The following AGRN variants were observed in gnomAD, a reference collection of about 807,000 sequenced individuals.
AGRN encodes agrin.
A neutral mutation model predicts 211.0 loss-of-function variants in AGRN; 106 were observed. The ratio of observed to expected loss-of-function variants is 0.50; its 90% CI spans 0.43 to 0.59. AGRN has a LOEUF of 0.59. AGRN is among the 20% of genes least tolerant of loss of function. The pLI, the probability that AGRN is intolerant of heterozygous loss-of-function variation, is 0.00. For missense variants in AGRN, 3,040 were observed against 2,982.6 expected (o/e 1.02, Z -0.45); for synonymous variants, 1,525 against 1,332.5 (o/e 1.14, Z -3.15).
rs745406424 is a variant in AGRN, at chr1:1,048,234, C to T, written c.3974C>T (p.Ala1325Val). The change falls in exon 23 of 36, where the codon GCC (alanine) becomes GTC (valine). Residue 1325 changes from alanine to valine, a missense_variant. Ala to Val is a moderately conservative substitution (Grantham distance 64, BLOSUM62 0). Coordinates refer to ENST00000379370, the MANE Select transcript of AGRN (RefSeq NM_198576.4). The surrounding 1 kb of genome is among the most constrained non-coding windows in gnomAD (Gnocchi z 5.9). ...CGTGTGCCCGGACGTCGGCCCCCGG[C>T]CCCCCAGCAGCCTCCAAAGCCCTGT... ...PSRVPGRRPPAPQQPPKPCDS... is the reference protein window; with the variant it reads ...PSRVPGRRPPVPQQPPKPCDS... The T allele has an allele frequency of 3.9e-6, 6 of 1,543,466 alleles. No individual in the cohort carries two copies. The East Asian group carries it at 7.3e-5, about 19-fold the overall frequency.
chr1:1,049,250 C>T lies in AGRN; in HGVS notation c.4313C>T (p.Ser1438Leu), dbSNP rs1460707518. 7.6e-6 allele frequency: 12 copies of T among 1,585,236 alleles called. No homozygotes were observed. The highest frequency in any genetic ancestry group is 1.3e-5 in the African/African-American group (1 of 74,450). The change falls in exon 25 of 36, where the codon TCG becomes TTG. Residue 1438 changes from serine (S) to leucine (L), a missense_variant. Around this residue, in one of 3 missense-constraint regions of AGRN, gnomAD observed 1,537 missense variants for 1,505.0 expected, o/e 1.02. Coordinates refer to ENST00000379370, the MANE Select transcript of AGRN (RefSeq NM_198576.4). ...CCTGCCCTCAGGTTTGACACAGGTT[C>T]GGGGCCGGCGGTGCTGACCAGTGCC... ...GRVQLRFDTG[S>L]GPAVLTSAVP...
At chr1:1,035,122 G>C in intron 2 of AGRN, 155 bp from the exon 3 acceptor site, 1 of 847,300 alleles carries the variant, frequency 1.2e-6, no homozygotes, top group Non-Finnish European at 2.0e-6. Context: ...CCAGCCCATG[G>C]GGTCAGGGCT....
chr1:1,033,543 C>G (rs529132999), intron 2 of AGRN, among the ~76,000 whole-genome samples: 267 of 151,750 alleles, frequency 1.8e-3, no homozygotes, highest in South Asian at 0.017. Context: ...GCGACGCTGC[C>G]CGGCGCGACC....
chr1:1,048,083 A>G lies in AGRN; in HGVS notation c.3823A>G (p.Thr1275Ala). The change falls in exon 23 of 36, where the codon ACT (threonine) becomes GCT (alanine). Residue 1275 changes from threonine to alanine, a missense_variant. Thr to Ala is a moderately conservative substitution (Grantham distance 58). Around this residue, in one of 3 missense-constraint regions of AGRN, gnomAD observed 1,537 missense variants for 1,505.0 expected, o/e 1.02. Coordinates refer to ENST00000379370, the MANE Select transcript of AGRN (RefSeq NM_198576.4). The surrounding 1 kb of genome is among the most constrained non-coding windows in gnomAD (Gnocchi z 5.9). Reference sequence around the variant, plus strand: ...TGCGGGAGCCACGGCCAGAGCCACCACTGCATCGCGCCTGCCGTCCTCTGC... The same window carrying G: ...TGCGGGAGCCACGGCCAGAGCCACCGCTGCATCGCGCCTGCCGTCCTCTGC... Reference protein sequence around the residue: ...IAAGATARATTASRLPSSAVT... With the variant: ...IAAGATARATAASRLPSSAVT... 1 of 1,578,952 alleles carries G rather than the reference A, an allele frequency of 6.3e-7. No homozygotes were observed. The highest frequency in any genetic ancestry group is 8.5e-7 in the Non-Finnish European group (1 of 1,169,892).
Position 1,048,440 on chromosome 1 carries a change from C to CCAT in AGRN, c.4105+78_4105+80dup, listed in dbSNP as rs915503984. On this transcript the variant is annotated intron_variant, in intron 23 of 35. Transcript: ENST00000379370. The surrounding 1 kb of genome is among the most constrained non-coding windows in gnomAD (Gnocchi z 5.9). ...AAGGATTGGGGGTGGGGCTAAGCCA[C>CCAT]CATCAGGCTTTGAGTTGGGGGCAGG... 23 of 1,213,542 alleles carry CCAT rather than the reference C, an allele frequency of 1.9e-5. 1 individual carries two copies. In the Admixed American group the frequency reaches 3.3e-4, roughly 17 times the overall value. 75.2% of individuals were successfully genotyped at this position (1,213,542 alleles called of 1,614,324 possible). A position where few individuals can be genotyped will look rare whatever the true frequency, so the allele number is the denominator to read the frequency against.
Position 1,041,689 on chromosome 1 carries a change from G to A in AGRN, c.1164G>A (p.Gln388=). The change falls in exon 6 of 36, where the codon CAG becomes CAA. Residue 388 remains glutamine, a synonymous_variant. Coordinates refer to ENST00000379370, the MANE Select transcript of AGRN (RefSeq NM_198576.4). ...GLLLQKVRSG[Q]CQGRDQCPEP... is the part of the protein sequence containing the mutation. ...TCCTGCAGAAAGTGCGCTCCGGCCA[G>A]TGCCAGGGTCGAGGTGAGCGGCTCC... 6.2e-7 allele frequency: 1 copy of A among 1,609,496 alleles called. No individual in the cohort carries two copies.
intron 2 of AGRN, among the ~76,000 whole-genome samples, chr1:1,023,573 A>G (rs2710889): frequency 0.38 from 57,480 of 151,968 alleles, 11,225 homozygotes; most frequent in African/African-American, 0.43. Flanking sequence ...ATAGGCTGTC[A>G]GGAGCTGAGG....
chr1:1,026,278 G>A (rs917418473), intron 2 of AGRN, among the ~76,000 whole-genome samples: 3 of 152,170 alleles, frequency 2.0e-5, no homozygotes, highest in Non-Finnish European at 4.4e-5. Context: ...TGGTGGGGAT[G>A]GCACCTGCTG....
intron 2 of AGRN, among the ~76,000 whole-genome samples, chr1:1,027,044 A>G (rs1456142928): frequency 6.6e-6 from 1 of 152,142 alleles, no homozygotes; most frequent in Non-Finnish European, 1.5e-5. Flanking sequence ...CCCCCAGCAC[A>G]GATCCTGGGA....
chr1:1,051,691 G>A (rs1645296827), intron 32 of AGRN, 37 bp from the exon 33 acceptor site: 2 of 1,612,990 alleles, frequency 1.2e-6, no homozygotes, highest in East Asian at 2.2e-5. Flanking sequence ...TGGGCCCGGA[G>A]CCCACGAGGC....
Position 1,049,917 on chromosome 1 carries a change from G to A in AGRN, c.4759G>A (p.Asp1587Asn), listed in dbSNP as rs752862781. 114 of 1,610,612 alleles carry A rather than the reference G, an allele frequency of 7.1e-5. No individual in the cohort carries two copies. Among genetic ancestry groups the A allele is most frequent in the Non-Finnish European group, 5.1e-5 (60 of 1,179,214 alleles). The change falls in exon 27 of 36, where the codon GAT becomes AAT. Residue 1587 changes from aspartate (D) to asparagine (N), a missense_variant. Physicochemically the swap from Asp to Asn is conservative, Grantham distance 23. Coordinates refer to ENST00000379370, the MANE Select transcript of AGRN (RefSeq NM_198576.4). The part of the protein sequence containing the change: ...PPGRVGPTCA[D>N]EKSPCQPNPC... ...CCTCCATCCAGGACCAACCTGTGCC[G>A]ATGAGAAGAGCCCCTGCCAGCCCAA...
In AGRN at chr1:1,043,349, G is replaced by A. The variant is rs778233185; in HGVS notation, c.1495G>A (p.Asp499Asn). Residue 499 changes from aspartate (D) to asparagine (N), a missense_variant, in exon 8 of 36, where the codon GAT becomes AAT. By Grantham distance (23) the Asp-to-Asn change is conservative. Around this residue, in one of 3 missense-constraint regions of AGRN, gnomAD observed 1,498 missense variants for 1,457.8 expected, o/e 1.03. Coordinates refer to ENST00000379370, the MANE Select transcript of AGRN (RefSeq NM_198576.4). ...ECLQACSSLY[D>N]PVCGSDGVTY... ...CCTGCAGGCGTGCTCGAGCCTCTAC[G>A]ATCCTGTGTGCGGCAGCGACGGCGT... The A allele has an allele frequency of 1.3e-5, 21 of 1,610,578 alleles. No homozygotes were observed. Among genetic ancestry groups the A allele is most frequent in the African/African-American group, 6.7e-5 (5 of 74,904 alleles).
At position 1,047,462 on chromosome 1, in the gene AGRN, G is replaced by A. The variant is rs199620555; in HGVS notation, c.3516+8G>A. ...AGGAGCATTGAGAGCACCGTAAGAC[G>A]GGGGCGCAGCCCCCACCTACCCACT... On this transcript the variant is annotated splice_region_variant and intron_variant, in intron 20 of 35. Transcript: ENST00000379370. 7.9e-5 allele frequency: 127 copies of A among 1,612,622 alleles called. No individual in the cohort carries two copies. The highest frequency in any genetic ancestry group is 9.9e-5 in the Non-Finnish European group (117 of 1,179,922).
Position 1,046,177 on chromosome 1 carries a change from A to G in AGRN, c.2823A>G (p.Gly941=), listed in dbSNP as rs1402900772. The G allele has an allele frequency of 6.2e-7, 1 of 1,613,778 alleles. No individual in the cohort carries two copies. The highest frequency in any genetic ancestry group is 1.1e-5 in the South Asian group (1 of 91,088). The part of the protein sequence containing the change: ...ANATKVCGSD[G]VTYGNECQLK... ...TGCCCCAGGTCTGTGGGTCAGATGG[A>G]GTCACATACGGCAACGAGTGTCAGC... The change falls in exon 17 of 36, where the codon GGA becomes GGG. Residue 941 remains glycine, a synonymous_variant. Transcript: ENST00000379370.
Position 1,044,200 on chromosome 1 carries a change from C to A in AGRN, c.2091C>A (p.Asp697Glu). 6.2e-7 allele frequency: 1 copy of A among 1,613,126 alleles called. No individual in the cohort carries two copies. Among genetic ancestry groups the A allele is most frequent in the East Asian group, 2.2e-5 (1 of 44,868 alleles). Reference sequence around the variant, plus strand: ...AGCGCGGTGGCATCTGGGACGAGGACTCGGAGGACGGGCCGTGTGTCTGTG... The same window carrying A: ...AGCGCGGTGGCATCTGGGACGAGGAATCGGAGGACGGGCCGTGTGTCTGTG... ...CRQRGGIWDE[D>E]SEDGPCVCDF... Residue 697 changes from aspartate to glutamate, a missense_variant, in exon 11 of 36, where the codon GAC becomes GAA. Around this residue, in one of 3 missense-constraint regions of AGRN, gnomAD observed 1,498 missense variants for 1,457.8 expected, o/e 1.03. Coordinates refer to ENST00000379370, the MANE Select transcript of AGRN (RefSeq NM_198576.4).
intron 34 of AGRN, among the ~76,000 whole-genome samples, chr1:1,054,222 T>C (rs892931213): frequency 6.6e-5 from 10 of 152,232 alleles, no homozygotes; most frequent in African/African-American, 2.2e-4. Context: ...AGTCTGAGCC[T>C]GGCCGTCGCC....
chr1:1,022,583 T>TGCCTTGTA, intron 2 of AGRN, 121 bp downstream of exon 2: 1 of 424,200 alleles, frequency 2.4e-6, no homozygotes, highest in Non-Finnish European at 3.5e-6. Context: ...CAGCACACGG[T>TGCCTTGTA]GTCTTGTGGT....
rs60309678 is a variant in AGRN at position 1,029,981 on chromosome 1, A to ATGTG, written c.464-5283_464-5280dup. Among the ~76,000 whole-genome samples the ATGTG allele has an allele frequency of 2.3e-3, 54 of 23,988 alleles. 4 individuals carry two copies. The highest frequency in any genetic ancestry group is 3.2e-3 in the African/African-American group (24 of 7,442). The allele number at this position is 23,988 out of a possible 152,430, so 15.7% of individuals were successfully genotyped here. A position where few individuals can be genotyped will look rare whatever the true frequency, so the allele number is the denominator to read the frequency against. Reference sequence around the variant, plus strand: ...GCGCATGGTGCTGTGTGAGATCAGCATGTGTGTGTGTGTGTGCAGTGCATG... The same window carrying ATGTG: ...GCGCATGGTGCTGTGTGAGATCAGCATGTGTGTGTGTGTGTGTGTGCAGTGCATG... On this transcript the variant is annotated intron_variant, in intron 2 of 35. Coordinates refer to ENST00000379370, the MANE Select transcript of AGRN (RefSeq NM_198576.4).
intron 33 of AGRN, chr1:1,053,197 C>T: frequency 3.4e-6 from 1 of 296,828 alleles, no homozygotes; most frequent in Non-Finnish European, 6.2e-6. Flanking sequence ...ACGTGGGTGT[C>T]TGCACGTGGG....
Sources: allele counts gnomAD v4.1 joint callset (sites outside exome capture counted in the v4.1 genomes callset), GRCh38; gene constraint gnomAD v4.1.1; regional missense constraint gnomAD v4.1.1; non-coding constraint Gnocchi (gnomAD v3.1); transcripts MANE v1.5; gene names NCBI Gene and HGNC (gene_info 2026-07-23, HGNC 2026-07-21).